Variants in FAM228B observed in about 807,000 individuals in gnomAD.
FAM228B encodes protein FAM228B.
Under a neutral mutation model 42.6 loss-of-function variants are expected in FAM228B, and 38 were observed. The observed-to-expected ratio is 0.89, with a 90% CI of 0.69 to 1.17. The LOEUF is 1.17. FAM228B is among the 50% of genes most tolerant of loss of function. The pLI is 0.00. For synonymous variants in FAM228B, 109 were observed against 122.3 expected, an observed-to-expected ratio of 0.89 and a Z score of 0.72; for missense variants, 344 against 367.3, an observed-to-expected ratio of 0.94 and a Z score of 0.52.
intron 9 of FAM228B, chr2:24,166,494 A>G (rs544900544): frequency 1.4e-5 from 2 of 142,752 alleles, no homozygotes; most frequent in African/African-American, 5.0e-5. Flanking sequence ...GTATCCTCCC[A>G]TGTGCTTGCT....
chr2:24,166,052 A>ATATATATATATATATAT (rs1468435433), intron 9 of FAM228B: 9 of 19,402 alleles, frequency 4.6e-4, no homozygotes, highest in Non-Finnish European at 1.6e-3. Context: ...AAAAAAAAAA[A>ATATATATATATATATAT]AAATATATAT....
chr2:24,139,674 G>T (rs146937525), intron 5 of FAM228B, among the ~76,000 whole-genome samples: 1 of 152,026 alleles, frequency 6.6e-6, no homozygotes, highest in African/African-American at 2.4e-5. Flanking sequence ...AATAGGTAAC[G>T]TTTAAAAATT....
Position 24,077,321 on chromosome 2 carries a change from A to C in FAM228B, c.-290+352A>C. 1 of 348,914 alleles carries C rather than the reference A, an allele frequency of 2.9e-6. No homozygotes were observed. The highest frequency in any genetic ancestry group is 5.3e-6 in the Non-Finnish European group (1 of 189,160). 21.6% of individuals were successfully genotyped at this position (348,914 alleles called of 1,614,324 possible). On this transcript the variant is annotated intron_variant, in intron 1 of 10. Coordinates refer to the FAM228B transcript ENST00000613899. The surrounding 1 kb of genome is among the most constrained non-coding windows in gnomAD (Gnocchi z 5.5). ...CTATACCCAGAATCTCCGTCCCTGGAGGGGCCCTCAGGTTGAGCGTCAGCT... is the reference window on the plus strand; with the variant it reads ...CTATACCCAGAATCTCCGTCCCTGGCGGGGCCCTCAGGTTGAGCGTCAGCT...
At chr2:24,138,218 CCT>C (rs1666655326) in intron 4 of FAM228B, 118 bp downstream of exon 4, 10 of 704,270 alleles carry the variant, frequency 1.4e-5, no homozygotes, top group East Asian at 5.9e-5. Flanking sequence ...TCATCTATAC[CCT>C]GTTACATAAT....
intron 2 of FAM228B, 49 bp from the exon 3 acceptor site, chr2:24,135,070 T>A (rs1217812130): frequency 7.7e-6 from 9 of 1,170,230 alleles, no homozygotes; most frequent in Non-Finnish European, 7.4e-6. Context: ...CAGATAGCAC[T>A]AATAGTTTTT....
Position 24,168,042 on chromosome 2 carries a change from A to G in FAM228B, c.*14+359A>G, listed in dbSNP as rs1340649130. On this transcript the variant is annotated intron_variant, in intron 10 of 10. Coordinates refer to ENST00000615575, the MANE Select transcript of FAM228B (RefSeq NM_001145710.2). Reference sequence around the variant, plus strand: ...CCACTACTTCATTCTTCACTTAGGAACATAGCCTCTATCACCTAAAGAGAT... The same window carrying G: ...CCACTACTTCATTCTTCACTTAGGAGCATAGCCTCTATCACCTAAAGAGAT... 3 of 247,884 alleles carry G rather than the reference A, an allele frequency of 1.2e-5. No homozygotes were observed. The Admixed American group carries it at 1.4e-4, about 11-fold the overall frequency. The allele number at this position is 247,884 out of a possible 1,614,324, so 15.4% of individuals were successfully genotyped here. A position where few individuals can be genotyped will look rare whatever the true frequency, so the allele number is the denominator to read the frequency against.
intron 7 of FAM228B, among the ~76,000 whole-genome samples, chr2:24,149,157 G>A (rs1219607885): frequency 1.3e-5 from 2 of 152,138 alleles, no homozygotes; most frequent in African/African-American, 4.8e-5. Flanking sequence ...CCAAATCTTG[G>A]CTAATGTGAA....
intron 7 of FAM228B, among the ~76,000 whole-genome samples, chr2:24,157,569 C>G (rs1369746285): frequency 6.6e-6 from 1 of 151,858 alleles, no homozygotes; most frequent in Non-Finnish European, 1.5e-5. Context: ...GAAACCCAGT[C>G]TCTACTAAAA....
rs953014257 is a variant in FAM228B, at chr2:24,084,400, G to GCAGGGCAGGGCAGGA, written c.-210+3449_-210+3450insGCAGGGCAGGACAGG. The stretch of plus-strand genomic sequence containing the variant: ...GCAGGGCAGGACAGGACAGGGCAGG[G>GCAGGGCAGGGCAGGA]CAGGACAGGACAGGGCAGGGGCCGC... On this transcript the variant is annotated intron_variant, in intron 2 of 10. Transcript: ENST00000613899. The surrounding 1 kb of genome is among the most constrained non-coding windows in gnomAD (Gnocchi z 8.4). 11 of 1,478,672 alleles carry GCAGGGCAGGGCAGGA rather than the reference G, an allele frequency of 7.4e-6. 1 individual carries two copies. The East Asian group carries it at 1.5e-4, about 20-fold the overall frequency. The allele number at this position is 1,478,672 out of a possible 1,614,324, so 91.6% of individuals were successfully genotyped here. A position where few individuals can be genotyped will look rare whatever the true frequency, so the allele number is the denominator to read the frequency against.
intron 3 of FAM228B, among the ~76,000 whole-genome samples, chr2:24,110,835 C>T (rs1313374945): frequency 2.6e-5 from 4 of 152,118 alleles, no homozygotes; most frequent in African/African-American, 7.2e-5. Context: ...ACCTGGAACT[C>T]GTGTTTGGCA....
chr2:24,137,865 A>G (rs1395105129), intron 3 of FAM228B, 44 bp from the exon 4 acceptor site: 7 of 1,386,552 alleles, frequency 5.0e-6, no homozygotes, highest in Non-Finnish European at 6.7e-6. Context: ...AGAACAAGAA[A>G]GCTTTAGGAT....
chr2:24,147,319 T>C (rs1352627334), intron 7 of FAM228B, among the ~76,000 whole-genome samples: 1 of 152,134 alleles, frequency 6.6e-6, no homozygotes. Context: ...TTTCTGTTTC[T>C]CTTTGGTTTT....
rs1666517956 is a variant in FAM228B, at chr2:24,133,936, T to G, written c.100-1183T>G. Reference sequence around the variant, plus strand: ...AAAATAAGTACATTAAAAATAAAATTTATTAATATTTATTTGATAGCCATA... The same window carrying G: ...AAAATAAGTACATTAAAAATAAAATGTATTAATATTTATTTGATAGCCATA... On this transcript the variant is annotated intron_variant, in intron 2 of 10. Coordinates refer to ENST00000615575, the MANE Select transcript of FAM228B (RefSeq NM_001145710.2). 2.6e-5 allele frequency among the ~76,000 whole-genome samples: 4 copies of G among 152,268 alleles called. No individual in the cohort carries two copies. In the South Asian group the frequency reaches 8.3e-4, roughly 32 times the overall value.
At chr2:24,165,830 C>T (rs1244105407) in intron 9 of FAM228B, 1 of 192,102 alleles carries the variant, frequency 5.2e-6, no homozygotes, top group Non-Finnish European at 1.1e-5. Flanking sequence ...TCACCTGAGG[C>T]TGGGAGTTTG....
chr2:24,167,955 C>A, intron 10 of FAM228B: 1 of 379,036 alleles, frequency 2.6e-6, no homozygotes, highest in Non-Finnish European at 5.0e-6. Flanking sequence ...AATTTCTCAC[C>A]GGATTTCTTT....
At chr2:24,087,278 G>C (rs973383956) in intron 2 of FAM228B, 1 of 151,908 alleles carries the variant, frequency 6.6e-6, no homozygotes, top group African/African-American at 2.4e-5. Flanking sequence ...ATACGGTCTT[G>C]CTACGTTGCC....
intron 7 of FAM228B, among the ~76,000 whole-genome samples, chr2:24,147,793 A>G (rs1013089506): frequency 6.6e-6 from 1 of 151,866 alleles, no homozygotes; most frequent in African/African-American, 2.4e-5. Flanking sequence ...CACCTTTTCC[A>G]CTAGATTCTT....
In FAM228B at chr2:24,077,802, C is replaced by A. The variant is rs1402530665; in HGVS notation, c.-290+833C>A. ...GGAGATCATCAGCCTGGGGAGAGAG[C>A]CTCACCCTGCCCTCCTCATCCTCCT... is the stretch of plus-strand genomic sequence containing the variant. On this transcript the variant is annotated intron_variant, in intron 1 of 10. Transcript: ENST00000613899. This position sits in a 1 kb window ranked among gnomAD's most constrained non-coding sequence, Gnocchi z 5.5. The A allele has an allele frequency of 2.3e-5, 37 of 1,577,488 alleles. No individual in the cohort carries two copies. The highest frequency in any genetic ancestry group is 4.7e-5 in the South Asian group (4 of 85,464).
At chr2:24,100,809 C>T (rs1042472405) in intron 3 of FAM228B, among the ~76,000 whole-genome samples, 9 of 152,178 alleles carry the variant, frequency 5.9e-5, no homozygotes, top group African/African-American at 1.7e-4. Context: ...AAGACATATG[C>T]ACACGTATGT....
Sources: allele counts gnomAD v4.1 joint callset (sites outside exome capture counted in the v4.1 genomes callset), GRCh38; gene constraint gnomAD v4.1.1; non-coding constraint Gnocchi (gnomAD v3.1); transcripts MANE v1.5; gene names NCBI Gene and HGNC (gene_info 2026-07-23, HGNC 2026-07-21).